The following ENDOD1 variants were observed in gnomAD, a reference collection of about 807,000 sequenced individuals.
ENDOD1 encodes the protein endonuclease domain containing 1, also known as endonuclease domain-containing 1 protein.
ENDOD1 carries 9 observed loss-of-function variants against 6.5 expected under a neutral mutation model. The observed-to-expected ratio is 1.39, with a 90% CI of 0.84 to 2.43. The LOEUF is 2.43. Ranked by LOEUF, ENDOD1 falls within the 30% of genes most tolerant of loss-of-function variation. ENDOD1 has a pLI of 0.00. For missense variants in ENDOD1, 648 were observed against 635.5 expected (o/e 1.02, Z -0.21); for synonymous variants, 255 against 255.2 (o/e 1.00, Z 0.01).
chr11:95,114,230 C>T (rs1555112239), intron 1 of ENDOD1, among the ~76,000 whole-genome samples: 2 of 152,198 alleles, frequency 1.3e-5, no homozygotes, highest in Non-Finnish European at 2.9e-5. Context: ...GATCTTCTCA[C>T]CTCAGCTTCC....
rs933166917 is a variant in ENDOD1, at chr11:95,128,764, G to A, written c.688G>A (p.Gly230Arg). ...GGCAGCCTGTTGTGCTGTCCCTGGA[G>A]GAGGCTGGGCCATGGGCTTTGTCAA... ...WLAACCAVPG[G>R]GWAMGFVKHT... Residue 230 changes from glycine to arginine, a missense_variant, in exon 2 of 2, where the codon GGA becomes AGA. By Grantham distance (125) the Gly-to-Arg change is moderately radical (BLOSUM62 -2). Coordinates refer to ENST00000278505, the MANE Select transcript of ENDOD1 (RefSeq NM_015036.3). 6.2e-7 allele frequency: 1 copy of A among 1,614,076 alleles called. No homozygotes were observed.
intron 1 of ENDOD1, among the ~76,000 whole-genome samples, chr11:95,101,531 T>C (rs1255530231): frequency 1.5e-5 from 2 of 133,206 alleles, no homozygotes; most frequent in Non-Finnish European, 3.7e-5. Flanking sequence ...TTTTTTAAGA[T>C]TATAAAAATA....
At chr11:95,092,134 A>G (rs1555109935) in intron 1 of ENDOD1, among the ~76,000 whole-genome samples, 2 of 152,138 alleles carry the variant, frequency 1.3e-5, no homozygotes, top group African/African-American at 4.8e-5. Context: ...GGCAGAGTTT[A>G]GAAGGGAGGC....
chr11:95,106,628 C>G (rs1555111421), intron 1 of ENDOD1, among the ~76,000 whole-genome samples: 1 of 152,152 alleles, frequency 6.6e-6, no homozygotes, highest in African/African-American at 2.4e-5. Context: ...GTTACATGAT[C>G]AGAATATTAG....
At chr11:95,125,441 A>T (rs1286378969) in intron 1 of ENDOD1, among the ~76,000 whole-genome samples, 1 of 148,358 alleles carries the variant, frequency 6.7e-6, no homozygotes, top group Non-Finnish European at 1.5e-5. Context: ...GAGCTTCTTT[A>T]TTATTATTAT....
intron 1 of ENDOD1, among the ~76,000 whole-genome samples, chr11:95,120,464 G>C (rs1227456846): frequency 6.6e-6 from 1 of 152,000 alleles, no homozygotes; most frequent in Non-Finnish European, 1.5e-5. Flanking sequence ...GTCATCCAGG[G>C]GCTAGGGCCT....
intron 1 of ENDOD1, among the ~76,000 whole-genome samples, chr11:95,102,949 G>T (rs1425000904): frequency 1.3e-5 from 2 of 152,194 alleles, no homozygotes; most frequent in Non-Finnish European, 2.9e-5. Flanking sequence ...TGAGTTGACA[G>T]TGATGTCTCT....
Position 95,110,993 on chromosome 11 carries a change from T to G in ENDOD1, c.301-17384T>G, listed in dbSNP as rs117284160. ...GACATGATTCTAGCTCTAGAGAAGT[T>G]GAGAAAAGAGTGCTTGGGCCAAAGA... On this transcript the variant is annotated intron_variant, in intron 1 of 1. Coordinates refer to ENST00000278505, the MANE Select transcript of ENDOD1 (RefSeq NM_015036.3). Among the ~76,000 whole-genome samples, 100 of 151,314 alleles carry G rather than the reference T, an allele frequency of 6.6e-4. 1 individual carries two copies. The East Asian group carries it at 0.019, about 28-fold the overall frequency.
chr11:95,110,386 C>T (rs1165438436), intron 1 of ENDOD1, among the ~76,000 whole-genome samples: 1 of 152,184 alleles, frequency 6.6e-6, no homozygotes, highest in Non-Finnish European at 1.5e-5. Flanking sequence ...TAGCAGATAC[C>T]TACCAAGAAC....
chr11:95,104,693 T>G (rs1158662006), intron 1 of ENDOD1, among the ~76,000 whole-genome samples: 2 of 152,166 alleles, frequency 1.3e-5, no homozygotes, highest in African/African-American at 2.4e-5. Flanking sequence ...ATATCACAGG[T>G]AGATTCACAG....
chr11:95,118,542 G>A (rs1354175058), intron 1 of ENDOD1, among the ~76,000 whole-genome samples: 10 of 152,298 alleles, frequency 6.6e-5, no homozygotes, highest in Admixed American at 3.9e-4. Flanking sequence ...GCATATTGGA[G>A]CTCCATTGTA....
intron 1 of ENDOD1, among the ~76,000 whole-genome samples, chr11:95,099,389 G>C (rs1368549667): frequency 5.9e-5 from 9 of 152,180 alleles, no homozygotes; most frequent in Admixed American, 5.9e-4. Context: ...ATGAGCCTGA[G>C]GAGAGCCCAT....
chr11:95,126,639 T>C (rs1051078541), intron 1 of ENDOD1, among the ~76,000 whole-genome samples: 3 of 152,218 alleles, frequency 2.0e-5, no homozygotes, highest in Non-Finnish European at 2.9e-5. Context: ...ATAGCATATA[T>C]TTTCTTATCA....
chr11:95,119,768 G>T (rs1426563151), intron 1 of ENDOD1, among the ~76,000 whole-genome samples: 1 of 152,226 alleles, frequency 6.6e-6, no homozygotes, highest in Non-Finnish European at 1.5e-5. Context: ...GTTCCCCCAG[G>T]CCCTGGGCAT....
chr11:95,123,707 A>C (rs1040109980), intron 1 of ENDOD1, among the ~76,000 whole-genome samples: 5 of 152,214 alleles, frequency 3.3e-5, no homozygotes, highest in Non-Finnish European at 5.9e-5. Flanking sequence ...GAGACAATGG[A>C]GAAAACATCT....
At chr11:95,115,392 T>TTG (rs1555112399) in intron 1 of ENDOD1, among the ~76,000 whole-genome samples, 23 of 151,664 alleles carry the variant, frequency 1.5e-4, no homozygotes, top group Admixed American at 5.9e-4. Flanking sequence ...GTTTTTTTTT[T>TTG]TGTGTGTGTG....
In ENDOD1 at chr11:95,129,632, T is replaced by G; in HGVS notation, c.*53T>G. On this transcript the variant is annotated 3_prime_UTR_variant, in exon 2 of 2. Coordinates refer to ENST00000278505, the MANE Select transcript of ENDOD1 (RefSeq NM_015036.3). ...CAGTGAATTTGAAAGCTGGAATAGT[T>G]TGTCTTTACAATGGGTTTCTGTTCA... is the stretch of plus-strand genomic sequence containing the variant. 1 of 1,549,654 alleles carries G rather than the reference T, an allele frequency of 6.5e-7. No homozygotes were observed. The highest frequency in any genetic ancestry group is 1.2e-5 in the South Asian group (1 of 80,164).
chr11:95,091,649 C>T (rs782209413), intron 1 of ENDOD1, among the ~76,000 whole-genome samples: 2 of 152,142 alleles, frequency 1.3e-5, no homozygotes, highest in African/African-American at 4.8e-5. Context: ...ACAGAACATA[C>T]GTCTGAGGAA....
chr11:95,090,372 A>C (rs1373592353), intron 1 of ENDOD1, 145 bp downstream of exon 1: 1 of 1,143,502 alleles, frequency 8.7e-7, no homozygotes, highest in Non-Finnish European at 1.1e-6. Flanking sequence ...CCCGGGTTCC[A>C]GGTCCACCCT....
Sources: gnomAD v4.1 joint callset for allele counts (sites outside exome capture counted in the v4.1 genomes callset) on GRCh38, gnomAD v4.1.1 for gene constraint, MANE v1.5 for transcripts, NCBI Gene and HGNC (gene_info 2026-07-23, HGNC 2026-07-21) for gene names.